The following NRDE2 variants were observed in gnomAD, a reference collection of about 807,000 sequenced individuals.
NRDE2 encodes the protein NRDE-2, necessary for RNA interference, domain containing.
A neutral mutation model predicts 124.2 loss-of-function variants in NRDE2; 76 were observed. The observed-to-expected ratio is 0.61, with a 90% CI of 0.51 to 0.74. The LOEUF is 0.74. Among genes scored for constraint, NRDE2 ranks in the 30% least tolerant of loss-of-function variants. The pLI, the probability that NRDE2 is intolerant of heterozygous loss-of-function variation, is 0.00. For missense variants in NRDE2, 1,314 were observed against 1,417.3 expected (o/e 0.93, Z 1.17); for synonymous variants, 489 against 528.1 (o/e 0.93, Z 1.01).
In NRDE2 at chr14:90,272,021, T is replaced by C; in HGVS notation, c.*6315A>G. ...AATTCTCCTGCCTCAGCCTCCCGAG[T>C]AGCTAGGATTACAGGTGCCTGCCAC... On this transcript the variant is annotated 3_prime_UTR_variant, in exon 14 of 14. Coordinates refer to ENST00000354366, the MANE Select transcript of NRDE2 (RefSeq NM_017970.4). This position sits in a 1 kb window ranked among gnomAD's most constrained non-coding sequence, Gnocchi z 4.5. The C allele has an allele frequency of 3.4e-6, 1 of 294,182 alleles. No individual in the cohort carries two copies. The highest frequency in any genetic ancestry group is 6.6e-6 in the Non-Finnish European group (1 of 151,902). The allele number at this position is 294,182 out of a possible 1,614,324, so 18.2% of individuals were successfully genotyped here.
chr14:90,273,728 A>AAT lies in NRDE2; in HGVS notation c.*4606_*4607dup, dbSNP rs1166701120. On this transcript the variant is annotated 3_prime_UTR_variant, in exon 14 of 14. Transcript: ENST00000354366. ...CTGAGGATTATTGTTGGCAGAATTT[A>AAT]ATTTCTTGGAGTTGTGGGCCAGCTG... 2.6e-5 allele frequency: 4 copies of AAT among 154,726 alleles called. No individual in the cohort carries two copies. The highest frequency in any genetic ancestry group is 9.6e-5 in the African/African-American group (4 of 41,624). 9.6% of individuals were successfully genotyped at this position (154,726 alleles called of 1,614,324 possible). A position where few individuals can be genotyped will look rare whatever the true frequency, so the allele number is the denominator to read the frequency against.
Position 90,269,555 on chromosome 14 carries a change from T to G in NRDE2, c.*8781A>C. On this transcript the variant is annotated 3_prime_UTR_variant, in exon 14 of 14. Transcript: ENST00000354366. ...CCAGCACTTATCAGACCAGGTTAAA[T>G]TTGCTTTGGTTTCATCATGGAGATT... 6.2e-7 allele frequency: 1 copy of G among 1,612,608 alleles called. No homozygotes were observed. The highest frequency in any genetic ancestry group is 8.5e-7 in the Non-Finnish European group (1 of 1,179,280).
rs543286221 is a variant in NRDE2, at chr14:90,274,181, T to G, written c.*4155A>C. On this transcript the variant is annotated 3_prime_UTR_variant, in exon 14 of 14. Coordinates refer to ENST00000354366, the MANE Select transcript of NRDE2 (RefSeq NM_017970.4). ...CCCAAGTAGGGTGTGGAGCTGTCCATGTGGAGGAACACCACAGCACGGGGA... is the reference window on the plus strand; with the variant it reads ...CCCAAGTAGGGTGTGGAGCTGTCCAGGTGGAGGAACACCACAGCACGGGGA... 9.0e-5 allele frequency: 14 copies of G among 154,724 alleles called. No individual in the cohort carries two copies. In the South Asian group the frequency reaches 2.6e-3, roughly 29 times the overall value. 9.6% of individuals were successfully genotyped at this position (154,724 alleles called of 1,614,324 possible).
Position 90,273,985 on chromosome 14 carries a change from C to A in NRDE2, c.*4351G>T, listed in dbSNP as rs1165247055. Reference sequence around the variant, plus strand: ...TCCCTGTTTTAAAGTTTACAATCTTCTTAATTTTTATCTGCAAAGTTCCTT... The same window carrying A: ...TCCCTGTTTTAAAGTTTACAATCTTATTAATTTTTATCTGCAAAGTTCCTT... On this transcript the variant is annotated 3_prime_UTR_variant, in exon 14 of 14. Transcript: ENST00000354366. 3 of 146,840 alleles carry A rather than the reference C, an allele frequency of 2.0e-5. No individual in the cohort carries two copies. The highest frequency in any genetic ancestry group is 2.2e-4 in the South Asian group (1 of 4,582). The allele number at this position is 146,840 out of a possible 1,614,324, so 9.1% of individuals were successfully genotyped here. A position where few individuals can be genotyped will look rare whatever the true frequency, so the allele number is the denominator to read the frequency against.
chr14:90,331,693 T>A, intron 1 of NRDE2, 148 bp downstream of exon 1: 1 of 859,178 alleles, frequency 1.2e-6, no homozygotes. Context: ...TCGGAGGGAT[T>A]GAGCCTTTCC....
chr14:90,269,159 C>T lies in NRDE2; in HGVS notation c.*9177G>A. 1 of 480,620 alleles carries T rather than the reference C, an allele frequency of 2.1e-6. No individual in the cohort carries two copies. Among genetic ancestry groups the T allele is most frequent in the Non-Finnish European group, 3.7e-6 (1 of 270,330 alleles). The allele number at this position is 480,620 out of a possible 1,614,324, so 29.8% of individuals were successfully genotyped here. ...ATGCCTTTAGCCCTTTCCAAAAGGC[C>T]TCATCTCTTAGCCACACAGTAGGGA... On this transcript the variant is annotated 3_prime_UTR_variant, in exon 14 of 14. Transcript: ENST00000354366.
chr14:90,331,659 G>C (rs905989790), intron 1 of NRDE2, among the ~76,000 whole-genome samples, 182 bp downstream of exon 1: 6 of 152,314 alleles, frequency 3.9e-5, no homozygotes, highest in African/African-American at 1.4e-4. Context: ...CCTTGGTCCA[G>C]AACAGGCCTC....
At chr14:90,290,187 G>C in intron 10 of NRDE2, 34 bp downstream of exon 10, 2 of 1,596,524 alleles carry the variant, frequency 1.3e-6, no homozygotes, top group Non-Finnish European at 1.7e-6. Flanking sequence ...GAAATGAAAA[G>C]TCCCCAAACA....
Position 90,278,105 on chromosome 14 carries a change from A to G in NRDE2, c.*231T>C. ...GACCACGTGGCATGACTCTCTGGCT[A>G]TGTACATATATACACATATTCACAT... On this transcript the variant is annotated 3_prime_UTR_variant, in exon 14 of 14. Transcript: ENST00000354366. 1 of 440,554 alleles carries G rather than the reference A, an allele frequency of 2.3e-6. No individual in the cohort carries two copies. The highest frequency in any genetic ancestry group is 3.4e-5 in the Admixed American group (1 of 29,696). The allele number at this position is 440,554 out of a possible 1,614,324, so 27.3% of individuals were successfully genotyped here. A position where few individuals can be genotyped will look rare whatever the true frequency, so the allele number is the denominator to read the frequency against.
Position 90,278,131 on chromosome 14 carries a change from A to G in NRDE2, c.*205T>C, listed in dbSNP as rs1200411189. On this transcript the variant is annotated 3_prime_UTR_variant, in exon 14 of 14. Coordinates refer to ENST00000354366, the MANE Select transcript of NRDE2 (RefSeq NM_017970.4). ...TGTACATATATACACATATTCACATATATAATATGTAAATAACTTTTGTGT... is the reference window on the plus strand; with the variant it reads ...TGTACATATATACACATATTCACATGTATAATATGTAAATAACTTTTGTGT... 8 of 551,950 alleles carry G rather than the reference A, an allele frequency of 1.4e-5. No homozygotes were observed. Among genetic ancestry groups the G allele is most frequent in the Non-Finnish European group, 2.6e-5 (8 of 308,710 alleles). 34.2% of individuals were successfully genotyped at this position (551,950 alleles called of 1,614,324 possible). A position where few individuals can be genotyped will look rare whatever the true frequency, so the allele number is the denominator to read the frequency against.
intron 1 of NRDE2, among the ~76,000 whole-genome samples, chr14:90,330,583 A>G (rs1314499527): frequency 6.6e-6 from 1 of 152,090 alleles, no homozygotes; most frequent in African/African-American, 2.4e-5. Flanking sequence ...AGGCTCAGAT[A>G]GAGAATCGCT....
Position 90,304,104 on chromosome 14 carries a change from G to C in NRDE2, c.836C>G (p.Thr279Ser), listed in dbSNP as rs370760181. 2.7e-5 allele frequency: 44 copies of C among 1,614,088 alleles called. No individual in the cohort carries two copies. Among genetic ancestry groups the C allele is most frequent in the Non-Finnish European group, 3.5e-5 (41 of 1,180,056 alleles). The part of the protein sequence containing the change: ...LNPLGIYDQS[T>S]THWLQGQGPP... ...ACCCTGTCCTTGTAGCCAATGTGTG[G>C]TTGACTGATCATAAATCCCCAGAGG... The change falls in exon 5 of 14, where the codon ACC becomes AGC. Residue 279 changes from threonine to serine, a missense_variant. Coordinates refer to ENST00000354366, the MANE Select transcript of NRDE2 (RefSeq NM_017970.4).
intron 8 of NRDE2, among the ~76,000 whole-genome samples, chr14:90,293,937 C>T (rs539749975): frequency 3.9e-5 from 6 of 152,310 alleles, no homozygotes; most frequent in African/African-American, 1.4e-4. Context: ...TAACTGCACT[C>T]TTGGGCACTG....
chr14:90,288,192 C>T lies in NRDE2; in HGVS notation c.3158+25G>A. ...GCATTCCATAAACATTTGCGGGGCA[C>T]ACGAACAGAACGGTCTGGAATTACC... On this transcript the variant is annotated intron_variant, in intron 11 of 13. Coordinates refer to ENST00000354366, the MANE Select transcript of NRDE2 (RefSeq NM_017970.4). 4 of 1,591,502 alleles carry T rather than the reference C, an allele frequency of 2.5e-6. 1 individual carries two copies. Among genetic ancestry groups the T allele is most frequent in the Non-Finnish European group, 3.4e-6 (4 of 1,166,972 alleles).
intron 8 of NRDE2, 80 bp downstream of exon 8, chr14:90,298,180 A>G: frequency 7.0e-7 from 1 of 1,438,296 alleles, no homozygotes; most frequent in Non-Finnish European, 9.7e-7. Context: ...AAATAGCTTA[A>G]GCAGATAAAT....
At position 90,288,403 on chromosome 14, in the gene NRDE2, A is replaced by G. The variant is rs891247003; in HGVS notation, c.2972T>C (p.Leu991Ser). 4 of 1,614,028 alleles carry G rather than the reference A, an allele frequency of 2.5e-6. No homozygotes were observed. Among genetic ancestry groups the G allele is most frequent in the Non-Finnish European group, 3.4e-6 (4 of 1,180,040 alleles). Reference protein sequence around the residue: ...APLREALSQALKLYPGNQVLW... With the variant: ...APLREALSQASKLYPGNQVLW... Reference sequence around the variant, plus strand: ...AACCTGGTTGCCTGGATACAACTTTAAAGCCTGTGAGAGTGCCTCTCGCAG... The same window carrying G: ...AACCTGGTTGCCTGGATACAACTTTGAAGCCTGTGAGAGTGCCTCTCGCAG... The change falls in exon 11 of 14, where the codon TTA (leucine) becomes TCA (serine). Residue 991 changes from leucine (L) to serine (S), a missense_variant. Leu to Ser is a moderately radical substitution (Grantham distance 145). Transcript: ENST00000354366.
chr14:90,269,525 T>C lies in NRDE2; in HGVS notation c.*8811A>G. 1 of 1,614,118 alleles carries C rather than the reference T, an allele frequency of 6.2e-7. No individual in the cohort carries two copies. Among genetic ancestry groups the C allele is most frequent in the Non-Finnish European group, 8.5e-7 (1 of 1,180,002 alleles). ...ATGGCCACAAACCGAATAGAAACTT[T>C]GGATCCAGCACTTATCAGACCAGGT... On this transcript the variant is annotated 3_prime_UTR_variant, in exon 14 of 14. Transcript: ENST00000354366.
At chr14:90,309,107 C>T (rs369370272) in intron 4 of NRDE2, among the ~76,000 whole-genome samples, 1 of 151,782 alleles carries the variant, frequency 6.6e-6, no homozygotes, top group African/African-American at 2.4e-5. Flanking sequence ...AAAAACTAGC[C>T]GGGCATTTAC....
chr14:90,296,658 G>C (rs903481626), intron 8 of NRDE2, among the ~76,000 whole-genome samples: 1 of 152,036 alleles, frequency 6.6e-6, no homozygotes, highest in African/African-American at 2.4e-5. Context: ...CCTAGGCAAG[G>C]AGTCAATCTC....
Sources: allele counts gnomAD v4.1 joint callset (sites outside exome capture counted in the v4.1 genomes callset), GRCh38; gene constraint gnomAD v4.1.1; non-coding constraint Gnocchi (gnomAD v3.1); transcripts MANE v1.5; gene names NCBI Gene and HGNC (gene_info 2026-07-23, HGNC 2026-07-21).